Variants in PAX1 observed in about 807,000 individuals in gnomAD.
The protein encoded by PAX1 is paired box 1, also known as paired box protein Pax-1.
A neutral mutation model predicts 35.6 loss-of-function variants in PAX1; 18 were observed. The ratio of observed to expected loss-of-function variants is 0.50; its 90% CI spans 0.35 to 0.75. PAX1 has a LOEUF of 0.75. Ranked by LOEUF, PAX1 falls within the 30% of genes least tolerant of loss-of-function variation. PAX1 has a pLI of 0.01. For synonymous variants in PAX1, 397 were observed against 305.2 expected (o/e 1.30, Z -3.14); for missense variants, 760 against 661.5 (o/e 1.15, Z -1.63).
At chr20:21,708,515 C>A (rs1471463760) in intron 2 of PAX1, 43 bp from the exon 3 acceptor site, 1 of 1,611,298 alleles carries the variant, frequency 6.2e-7, no homozygotes, top group East Asian at 2.2e-5. Context: ...GTGCCCAGGG[C>A]AGATTCGGAG....
In PAX1 at chr20:21,716,598, G is replaced by T. The variant is rs373621674; in HGVS notation, c.*2036G>T. On this transcript the variant is annotated 3_prime_UTR_variant, in exon 5 of 5. Coordinates refer to ENST00000613128, the MANE Select transcript of PAX1 (RefSeq NM_001257096.2). Reference sequence around the variant, plus strand: ...TATTTTCTTTAGACCACATAGCAAGGTATGAATTAGAGGGCTTGTGCTTGG... The same window carrying T: ...TATTTTCTTTAGACCACATAGCAAGTTATGAATTAGAGGGCTTGTGCTTGG... The T allele has an allele frequency of 6.6e-6, 1 of 151,106 alleles. No individual in the cohort carries two copies. Among genetic ancestry groups the T allele is most frequent in the African/African-American group, 2.4e-5 (1 of 40,974 alleles). 9.4% of individuals were successfully genotyped at this position (151,106 alleles called of 1,614,324 possible). A position where few individuals can be genotyped will look rare whatever the true frequency, so the allele number is the denominator to read the frequency against.
At position 21,709,268 on chromosome 20, in the gene PAX1, C is replaced by G. The variant is rs1383285127; in HGVS notation, c.1106C>G (p.Ala369Gly). Residue 369 changes from alanine to glycine, a missense_variant, in exon 4 of 5, where the codon GCC becomes GGC. Ala to Gly is a moderately conservative substitution (Grantham distance 60, BLOSUM62 0). Transcript: ENST00000613128. ...GTGGGCGGCTTTCTCCCCGCCTGCG[C>G]CTACCCGGCCTCCAACCAGCACGGC... is the stretch of plus-strand genomic sequence containing the variant. Reference protein sequence around the residue: ...SAVGGFLPACAYPASNQHGVY... With the variant: ...SAVGGFLPACGYPASNQHGVY... 1 of 1,606,160 alleles carries G rather than the reference C, an allele frequency of 6.2e-7. No homozygotes were observed. Among genetic ancestry groups the G allele is most frequent in the Non-Finnish European group, 8.5e-7 (1 of 1,179,740 alleles).
chr20:21,710,303 C>G (rs1347338447), intron 4 of PAX1, among the ~76,000 whole-genome samples: 4 of 152,152 alleles, frequency 2.6e-5, no homozygotes, highest in African/African-American at 9.7e-5. Context: ...GAAAAGCTCA[C>G]CAGCCCTTGA....
rs1241468021 is a variant in PAX1, at chr20:21,717,521, T to G, written c.*2959T>G. ...GTTGGTGGGAGACCCAGAATTTAAATATTTTCCAAAAGATCCCATTGGAAT... is the reference window on the plus strand; with the variant it reads ...GTTGGTGGGAGACCCAGAATTTAAAGATTTTCCAAAAGATCCCATTGGAAT... On this transcript the variant is annotated 3_prime_UTR_variant, in exon 5 of 5. Transcript: ENST00000613128. The G allele has an allele frequency of 6.6e-6, 1 of 152,334 alleles. No individual in the cohort carries two copies. The highest frequency in any genetic ancestry group is 1.9e-4 in the East Asian group (1 of 5,182). The allele number at this position is 152,334 out of a possible 1,614,324, so 9.4% of individuals were successfully genotyped here.
intron 4 of PAX1, 86 bp from the exon 5 acceptor site, chr20:21,714,385 C>T: frequency 1.0e-6 from 1 of 988,754 alleles, no homozygotes; most frequent in Non-Finnish European, 1.5e-6. Flanking sequence ...CTCACGACCT[C>T]GCTCTGCAGG....
chr20:21,706,078 G>T lies in PAX1; in HGVS notation c.286+80G>T. 8.3e-7 allele frequency: 1 copy of T among 1,209,298 alleles called. No individual in the cohort carries two copies. 74.9% of individuals were successfully genotyped at this position (1,209,298 alleles called of 1,614,324 possible). A position where few individuals can be genotyped will look rare whatever the true frequency, so the allele number is the denominator to read the frequency against. ...CGCCTGCCTCCCTTCCCTCTCGTCC[G>T]CTTTCCCTGGGCGACCCAGTCCTGG... On this transcript the variant is annotated intron_variant, in intron 1 of 4. Transcript: ENST00000613128. The surrounding 1 kb of genome is among the most constrained non-coding windows in gnomAD (Gnocchi z 5.3).
At chr20:21,712,164 A>G (rs1395873412) in intron 4 of PAX1, among the ~76,000 whole-genome samples, 1 of 152,214 alleles carries the variant, frequency 6.6e-6, no homozygotes, top group Non-Finnish European at 1.5e-5. Flanking sequence ...ACAGCTTAAC[A>G]GTTACCCTAA....
chr20:21,705,868 C>G lies in PAX1; in HGVS notation c.156C>G (p.Leu52=), dbSNP rs1010162764. 1.3e-5 allele frequency: 18 copies of G among 1,392,074 alleles called. No homozygotes were observed. The highest frequency in any genetic ancestry group is 1.6e-5 in the Non-Finnish European group (17 of 1,070,270). 86.2% of individuals were successfully genotyped at this position (1,392,074 alleles called of 1,614,324 possible). A position where few individuals can be genotyped will look rare whatever the true frequency, so the allele number is the denominator to read the frequency against. Residue 52 remains leucine, a synonymous_variant, in exon 1 of 5, where the codon CTC becomes CTG. Coordinates refer to ENST00000613128, the MANE Select transcript of PAX1 (RefSeq NM_001257096.2). ...GGCTGGGCCGCCGCGGCTCTCGGCT[C>G]TCGGGCGCCCTCCCTCTATGCCTCT... ...SPRLGRRGSR[L]SGALPLCLSR... is the part of the protein sequence containing the mutation.
At chr20:21,709,781 G>C (rs1005636544) in intron 4 of PAX1, among the ~76,000 whole-genome samples, 5 of 151,872 alleles carry the variant, frequency 3.3e-5, no homozygotes, top group Non-Finnish European at 7.4e-5. Flanking sequence ...CTTCTTTCTG[G>C]GTTTCTGTTT....
chr20:21,706,701 T>C lies in PAX1; in HGVS notation c.550T>C (p.Tyr184His), dbSNP rs1985014205. Residue 184 changes from tyrosine to histidine, a missense_variant, in exon 2 of 5, where the codon TAC (tyrosine) becomes CAC (histidine). Coordinates refer to ENST00000613128, the MANE Select transcript of PAX1 (RefSeq NM_001257096.2). The surrounding 1 kb of genome is among the most constrained non-coding windows in gnomAD (Gnocchi z 5.3). Reference protein sequence around the residue: ...TPNVVKHIRDYKQGDPGIFAW... With the variant: ...TPNVVKHIRDHKQGDPGIFAW... Reference sequence around the variant, plus strand: ...CAACGTGGTCAAGCACATCCGGGACTACAAGCAAGGAGACCCTGGCATCTT... The same window carrying C: ...CAACGTGGTCAAGCACATCCGGGACCACAAGCAAGGAGACCCTGGCATCTT... 1 of 1,613,480 alleles carries C rather than the reference T, an allele frequency of 6.2e-7. No individual in the cohort carries two copies.
rs1470573165 is a variant in PAX1, at chr20:21,706,146, G to C, written c.286+148G>C. 6.1e-6 allele frequency: 5 copies of C among 815,676 alleles called. No homozygotes were observed. The highest frequency in any genetic ancestry group is 1.0e-5 in the Non-Finnish European group (5 of 494,730). 50.5% of individuals were successfully genotyped at this position (815,676 alleles called of 1,614,324 possible). ...TTCTCCTCTGATCCCCAGCCTTCAG[G>C]GGGCAGTTGAGCAAGTCTGGGAAGG... is the stretch of plus-strand genomic sequence containing the variant. On this transcript the variant is annotated intron_variant, in intron 1 of 4. Transcript: ENST00000613128. The surrounding 1 kb of genome is among the most constrained non-coding windows in gnomAD (Gnocchi z 5.3).
At chr20:21,710,506 A>C (rs1227489128) in intron 4 of PAX1, among the ~76,000 whole-genome samples, 3 of 152,236 alleles carry the variant, frequency 2.0e-5, no homozygotes, top group Admixed American at 6.5e-5. Flanking sequence ...GAGTTCCCAG[A>C]TTATAAAAGG....
intron 4 of PAX1, among the ~76,000 whole-genome samples, chr20:21,711,103 A>G (rs1277174350): frequency 6.6e-6 from 1 of 152,230 alleles, no homozygotes; most frequent in Non-Finnish European, 1.5e-5. Flanking sequence ...ATCAAAATAA[A>G]ATTTACCACA....
intron 4 of PAX1, among the ~76,000 whole-genome samples, chr20:21,710,325 C>A (rs1458058008): frequency 6.6e-6 from 1 of 152,156 alleles, no homozygotes; most frequent in Non-Finnish European, 1.5e-5. Context: ...TCCTCATTTT[C>A]TTTGTTGTTA....
chr20:21,708,456 G>A (rs887481781), intron 2 of PAX1, 102 bp from the exon 3 acceptor site: 3 of 1,385,732 alleles, frequency 2.2e-6, no homozygotes, highest in Non-Finnish European at 3.1e-6. Context: ...AAATTTTGTG[G>A]GACCCCTGGC....
intron 4 of PAX1, among the ~76,000 whole-genome samples, chr20:21,711,410 A>T (rs932307041): frequency 3.9e-5 from 6 of 152,226 alleles, no homozygotes; most frequent in African/African-American, 1.4e-4. Flanking sequence ...TGATTTTAAC[A>T]TTAAGCCTCA....
Position 21,709,346 on chromosome 20 carries a change from C to T in PAX1, c.1184C>T (p.Pro395Leu). ...GYLAPGPPWP[P>L]AQGPPLAPPG... ...CTCGCCCCGGGCCCGCCGTGGCCGC[C>T]TGCGCAAGGTCCTCCTCTGGCGCCC... The change falls in exon 4 of 5, where the codon CCT becomes CTT. Residue 395 changes from proline (P) to leucine (L), a missense_variant. Transcript: ENST00000613128. The T allele has an allele frequency of 6.3e-7, 1 of 1,598,274 alleles. No homozygotes were observed. Among genetic ancestry groups the T allele is most frequent in the Non-Finnish European group, 8.5e-7 (1 of 1,176,532 alleles).
chr20:21,711,963 A>G (rs1985210391), intron 4 of PAX1, among the ~76,000 whole-genome samples: 1 of 152,244 alleles, frequency 6.6e-6, no homozygotes, highest in Non-Finnish European at 1.5e-5. Context: ...CAATTGTTCA[A>G]TTCATAAGAA....
chr20:21,705,885 T>C lies in PAX1; in HGVS notation c.173T>C (p.Leu58Pro), dbSNP rs1398960175. The change falls in exon 1 of 5, where the codon CTA becomes CCA. Residue 58 changes from leucine to proline, a missense_variant. This residue lies in a region of PAX1 where 222 missense variants were observed against 153.0 expected (regional missense o/e 1.45). Coordinates refer to ENST00000613128, the MANE Select transcript of PAX1 (RefSeq NM_001257096.2). ...TCTCGGCTCTCGGGCGCCCTCCCTCTATGCCTCTCACGCGGCGGCGGCGGC... is the reference window on the plus strand; with the variant it reads ...TCTCGGCTCTCGGGCGCCCTCCCTCCATGCCTCTCACGCGGCGGCGGCGGC... ...RGSRLSGALP[L>P]CLSRGGGGAQ... The C allele has an allele frequency of 2.8e-6, 4 of 1,404,540 alleles. No individual in the cohort carries two copies. The Admixed American group carries it at 8.2e-5, about 29-fold the overall frequency. 87.0% of individuals were successfully genotyped at this position (1,404,540 alleles called of 1,614,324 possible).
Sources: gnomAD v4.1 joint callset for allele counts (sites outside exome capture counted in the v4.1 genomes callset) on GRCh38, gnomAD v4.1.1 for gene constraint, gnomAD v4.1.1 regional missense constraint, Gnocchi (gnomAD v3.1) non-coding constraint, MANE v1.5 for transcripts, NCBI Gene and HGNC (gene_info 2026-07-23, HGNC 2026-07-21) for gene names.